The following RARB variants were observed in gnomAD, a reference collection of about 807,000 sequenced individuals.
RARB encodes HBV-activated protein.
A neutral mutation model predicts 51.9 loss-of-function variants in RARB; 17 were observed. The ratio of observed to expected loss-of-function variants is 0.33; its 90% CI spans 0.22 to 0.49. The LOEUF is 0.49. Among genes scored for constraint, RARB ranks in the 20% least tolerant of loss-of-function variants. The probability of loss-of-function intolerance (pLI) is 0.99; values close to 1 mark genes in which losing one functional copy is unlikely to be tolerated. For synonymous variants in RARB, 215 were observed against 195.4 expected, an observed-to-expected ratio of 1.10 and a Z score of -0.84; for missense variants, 369 against 550.8, an observed-to-expected ratio of 0.67 and a Z score of 3.30.
intron 4 of RARB, among the ~76,000 whole-genome samples, chr3:25,148,965 C>G (rs751181606): frequency 2.0e-5 from 3 of 151,892 alleles, no homozygotes; most frequent in Non-Finnish European, 2.9e-5. Flanking sequence ...TCTTTGTAGC[C>G]TCTGAGCAGT....
intron 2 of RARB, among the ~76,000 whole-genome samples, chr3:24,964,986 A>G (rs1020097681): frequency 2.6e-5 from 4 of 152,212 alleles, no homozygotes; most frequent in African/African-American, 7.2e-5. Context: ...ATTGGCAACC[A>G]AAGATACTAT....
At chr3:25,424,101 C>T (rs1294242320), upstream of RARB, among the ~76,000 whole-genome samples, 2 of 152,146 alleles carry the variant, frequency 1.3e-5, no homozygotes, top group Non-Finnish European at 2.9e-5. Flanking sequence ...TCTGAAAAAG[C>T]AGAGAGCTGA....
chr3:25,174,279 G>A (rs2125353106), exon 5 of RARB: 1 of 814,376 alleles, frequency 1.2e-6, no homozygotes, highest in East Asian at 5.3e-5. Context: ...TCTTGACTTT[G>A]GCCCAGAACA....
At chr3:24,946,725 G>A (rs535831929) in intron 2 of RARB, among the ~76,000 whole-genome samples, 4 of 151,964 alleles carry the variant, frequency 2.6e-5, no homozygotes, top group Non-Finnish European at 5.9e-5. Flanking sequence ...ATAAAACTTA[G>A]CCAGATGTGG....
intron 2 of RARB, among the ~76,000 whole-genome samples, chr3:24,968,875 C>T (rs1434345428): frequency 6.6e-6 from 1 of 152,132 alleles, no homozygotes; most frequent in Non-Finnish European, 1.5e-5. Flanking sequence ...GAGGTCATTA[C>T]TCTGTCTACC....
At position 25,596,516 on chromosome 3, in the gene RARB, T is replaced by C; in HGVS notation, c.1247T>C (p.Leu416Ser). 1.2e-6 allele frequency: 2 copies of C among 1,613,574 alleles called. No homozygotes were observed. Among genetic ancestry groups the C allele is most frequent in the East Asian group, 2.2e-5 (1 of 44,868 alleles). ...GAGAATTCTGAAGGACATGAACCCT[T>C]GACCCCAAGTTCAAGTGGGAACACA... Reference protein sequence around the residue: ...MLENSEGHEPLTPSSSGNTAE... With the variant: ...MLENSEGHEPSTPSSSGNTAE... The change falls in exon 8 of 8, where the codon TTG (leucine) becomes TCG (serine). Residue 416 changes from leucine to serine, a missense_variant. By Grantham distance (145) the Leu-to-Ser change is moderately radical (BLOSUM62 -2). Around this residue, in one of 9 missense-constraint regions of RARB, gnomAD observed 54 missense variants for 43.4 expected, o/e 1.24. Transcript: ENST00000330688.
intron 4 of RARB, among the ~76,000 whole-genome samples, chr3:25,138,140 T>C (rs1375685853): frequency 6.6e-6 from 1 of 152,134 alleles, no homozygotes; most frequent in African/African-American, 2.4e-5. Flanking sequence ...GCTACAAGCC[T>C]GCATTTAAAG....
At chr3:25,257,243 G>A (rs1157098988) in intron 5 of RARB, among the ~76,000 whole-genome samples, 2 of 152,096 alleles carry the variant, frequency 1.3e-5, no homozygotes, top group African/African-American at 4.8e-5. Flanking sequence ...ACCACACTTG[G>A]AGGAGTGTGC....
intron 5 of RARB, among the ~76,000 whole-genome samples, chr3:25,415,972 C>T (rs1455524602): frequency 6.6e-6 from 1 of 152,116 alleles, no homozygotes; most frequent in East Asian, 1.9e-4. Flanking sequence ...ATAAAAAATG[C>T]AGGGGCAAGG....
chr3:25,393,787 T>G (rs1033849898), intron 5 of RARB, among the ~76,000 whole-genome samples: 5 of 152,164 alleles, frequency 3.3e-5, no homozygotes, highest in Non-Finnish European at 7.4e-5. Flanking sequence ...TTGAGCTTAT[T>G]TGGATCTTCT....
chr3:25,332,053 A>C (rs1211731783), intron 5 of RARB, among the ~76,000 whole-genome samples: 1 of 152,200 alleles, frequency 6.6e-6, no homozygotes, highest in Non-Finnish European at 1.5e-5. Flanking sequence ...AACCAAAAAA[A>C]GTTCAGGACC....
intron 2 of RARB, among the ~76,000 whole-genome samples, chr3:24,943,317 C>T (rs1391398949): frequency 6.6e-6 from 1 of 152,096 alleles, no homozygotes; most frequent in East Asian, 1.9e-4. Flanking sequence ...TGATTAGCAG[C>T]CAAATCTTTT....
chr3:25,312,700 A>C (rs1704318848), intron 5 of RARB, among the ~76,000 whole-genome samples: 2 of 152,208 alleles, frequency 1.3e-5, no homozygotes, highest in African/African-American at 4.8e-5. Flanking sequence ...ACAACATTTA[A>C]AAATTGGGAC....
chr3:25,524,016 T>G (rs773058663), intron 3 of RARB, among the ~76,000 whole-genome samples: 1 of 152,226 alleles, frequency 6.6e-6, no homozygotes, highest in African/African-American at 2.4e-5. Context: ...TGAAGCACAA[T>G]GAATTTTCTG....
intron 5 of RARB, among the ~76,000 whole-genome samples, chr3:25,186,190 G>T (rs187916082): frequency 1.3e-5 from 2 of 152,110 alleles, no homozygotes; most frequent in East Asian, 1.9e-4. Flanking sequence ...AAGAAATTCA[G>T]ATATCCCATA....
At chr3:25,173,701 A>T (rs974478954) in intron 4 of RARB, among the ~76,000 whole-genome samples, 1 of 152,232 alleles carries the variant, frequency 6.6e-6, no homozygotes, top group Admixed American at 6.5e-5. Context: ...CTCAGGGTCT[A>T]TCCCTTGTCA....
intron 2 of RARB, among the ~76,000 whole-genome samples, chr3:24,983,953 C>A (rs957362191): frequency 6.6e-6 from 1 of 152,064 alleles, no homozygotes. Context: ...AAAGAGCAAG[C>A]AATTTCCAAT....
intron 2 of RARB, among the ~76,000 whole-genome samples, chr3:25,021,085 T>C (rs1168345583): frequency 6.6e-6 from 1 of 152,244 alleles, no homozygotes; most frequent in African/African-American, 2.4e-5. Context: ...ATTATTAGAT[T>C]ATGAAAATGT....
intron 5 of RARB, among the ~76,000 whole-genome samples, chr3:25,590,523 T>A (rs372529896): frequency 6.6e-6 from 1 of 152,184 alleles, no homozygotes; most frequent in East Asian, 1.9e-4. Context: ...ACTTTGTTGT[T>A]GTGGTGGTGG....
Sources: gnomAD v4.1 joint callset for allele counts (sites outside exome capture counted in the v4.1 genomes callset) on GRCh38, gnomAD v4.1.1 for gene constraint, gnomAD v4.1.1 regional missense constraint, MANE v1.5 for transcripts, NCBI Gene and HGNC (gene_info 2026-07-23, HGNC 2026-07-21) for gene names.